Variants in RGS13 observed in about 807,000 individuals in gnomAD.
RGS13 encodes regulator of G-protein signalling 13.
In RGS13, 14 loss-of-function variants were observed where a neutral mutation model predicts 19.9. That is an observed-to-expected ratio of 0.70 (90% CI 0.46 to 1.10). The LOEUF (loss-of-function observed/expected upper bound fraction) is 1.10. Ranked by LOEUF, RGS13 falls within the 50% of genes least tolerant of loss-of-function variation. The pLI is 0.00. For synonymous variants in RGS13, 60 were observed against 56.8 expected (o/e 1.06, Z -0.25); for missense variants, 205 against 187.1 (o/e 1.10, Z -0.56).
chr1:192,654,494 T>G (rs1258438424), intron 5 of RGS13, among the ~76,000 whole-genome samples: 1 of 151,936 alleles, frequency 6.6e-6, no homozygotes, highest in Non-Finnish European at 1.5e-5. Flanking sequence ...ACAGAGAATT[T>G]TAATAAAACT....
chr1:192,650,663 T>A (rs1165804553), intron 5 of RGS13, among the ~76,000 whole-genome samples: 1 of 151,886 alleles, frequency 6.6e-6, no homozygotes, highest in African/African-American at 2.4e-5. Context: ...AAATTCAACA[T>A]CTCAGTGGGA....
chr1:192,645,117 G>T (rs1663192716), intron 4 of RGS13: 1 of 152,336 alleles, frequency 6.6e-6, no homozygotes, highest in African/African-American at 2.4e-5. Flanking sequence ...CTGCAATGGT[G>T]GTCAGAGGAG....
intron 5 of RGS13, 117 bp downstream of exon 5, chr1:192,648,104 A>G (rs1663253540): frequency 3.5e-6 from 2 of 571,002 alleles, no homozygotes; most frequent in Admixed American, 6.1e-5. Flanking sequence ...CTAACTGGCA[A>G]CTGACACAGT....
chr1:192,652,386 G>A (rs1663358432), intron 5 of RGS13, among the ~76,000 whole-genome samples: 1 of 152,038 alleles, frequency 6.6e-6, no homozygotes, highest in African/African-American at 2.4e-5. Context: ...GCTGCACAGT[G>A]TGATTGGCAG....
chr1:192,644,061 A>AT (rs1430962878), intron 3 of RGS13, among the ~76,000 whole-genome samples: 1 of 152,162 alleles, frequency 6.6e-6, no homozygotes, highest in Non-Finnish European at 1.5e-5. Flanking sequence ...GAGATTTGGT[A>AT]TTTTTTGAAC....
At chr1:192,656,494 A>G (rs570531439) in intron 5 of RGS13, among the ~76,000 whole-genome samples, 2 of 152,178 alleles carry the variant, frequency 1.3e-5, no homozygotes, top group South Asian at 4.1e-4. Context: ...CACAACTTAG[A>G]GTCACGTCGG....
At chr1:192,643,859 G>A (rs1663168519) in intron 3 of RGS13, among the ~76,000 whole-genome samples, 1 of 152,102 alleles carries the variant, frequency 6.6e-6, no homozygotes, top group African/African-American at 2.4e-5. Flanking sequence ...GGTTGAGGTG[G>A]GAGGGTCACC....
At chr1:192,658,792 T>C (rs1663494199) in intron 6 of RGS13, 1 of 169,046 alleles carries the variant, frequency 5.9e-6, no homozygotes. Context: ...GGACAGTATA[T>C]GAGATTTCTA....
rs572230461 is a variant in RGS13 at position 192,651,930 on chromosome 1, G to A, written c.127+3943G>A. 1.1e-3 allele frequency among the ~76,000 whole-genome samples: 160 copies of A among 152,134 alleles called. 1 individual carries two copies. Among genetic ancestry groups the A allele is most frequent in the African/African-American group, 3.8e-3 (158 of 41,542 alleles). The stretch of plus-strand genomic sequence containing the variant: ...GCTCATTGGTTGACTGGGCAGTGTT[G>A]AGTGTCTGTTTAAAATCTGAAGTTA... On this transcript the variant is annotated intron_variant, in intron 5 of 6. Transcript: ENST00000391995.
chr1:192,647,790 C>T (rs886185235), intron 4 of RGS13, 136 bp from the exon 5 acceptor site: 12 of 421,766 alleles, frequency 2.8e-5, no homozygotes, highest in Non-Finnish European at 4.7e-5. Flanking sequence ...AGGAAAATAA[C>T]TTTCCAACCA....
At chr1:192,651,978 G>T (rs988801287) in intron 5 of RGS13, among the ~76,000 whole-genome samples, 3 of 152,054 alleles carry the variant, frequency 2.0e-5, no homozygotes, top group Admixed American at 2.0e-4. Context: ...CGAGACCACA[G>T]TTGTATATTT....
Position 192,644,225 on chromosome 1 carries a change from T to A in RGS13, c.-4-106T>A, listed in dbSNP as rs192119137. The A allele has an allele frequency of 5.9e-5, 45 of 759,072 alleles. No individual in the cohort carries two copies. The East Asian group carries it at 1.2e-3, about 20-fold the overall frequency. The allele number at this position is 759,072 out of a possible 1,614,324, so 47.0% of individuals were successfully genotyped here. A position where few individuals can be genotyped will look rare whatever the true frequency, so the allele number is the denominator to read the frequency against. ...GTATTCCATTAACTTCAAGAGCCCA[T>A]CTTTTTTTTTATGATTTATAATATT... On this transcript the variant is annotated intron_variant, in intron 3 of 6. Transcript: ENST00000391995.
chr1:192,642,472 C>A (rs940588668), intron 3 of RGS13, among the ~76,000 whole-genome samples: 1 of 151,830 alleles, frequency 6.6e-6, no homozygotes, highest in Non-Finnish European at 1.5e-5. Flanking sequence ...CAAGTGCACA[C>A]CACTATGCCC....
In RGS13 at chr1:192,660,028, T is replaced by C. The variant is rs1014544778; in HGVS notation, c.*505T>C. The C allele has an allele frequency of 3.3e-5, 5 of 152,102 alleles. 1 individual carries two copies. Among genetic ancestry groups the C allele is most frequent in the Admixed American group, 3.3e-4 (5 of 15,274 alleles). The allele number at this position is 152,102 out of a possible 1,614,324, so 9.4% of individuals were successfully genotyped here. A position where few individuals can be genotyped will look rare whatever the true frequency, so the allele number is the denominator to read the frequency against. On this transcript the variant is annotated 3_prime_UTR_variant, in exon 7 of 7. Transcript: ENST00000391995. ...GTGTTCTTCAGAGACATTTTATCTA[T>C]AAAATTTTCCTACTATTATGTTCAT... is the stretch of plus-strand genomic sequence containing the variant.
chr1:192,654,297 C>T (rs1663397812), intron 5 of RGS13, among the ~76,000 whole-genome samples: 1 of 151,224 alleles, frequency 6.6e-6, no homozygotes, highest in African/African-American at 2.4e-5. Context: ...TATATTTACA[C>T]ATTTTATTTT....
chr1:192,649,691 A>G (rs961324331), intron 5 of RGS13, among the ~76,000 whole-genome samples: 3 of 152,096 alleles, frequency 2.0e-5, no homozygotes, highest in African/African-American at 7.2e-5. Flanking sequence ...AATGTGGGTC[A>G]CTTCATTTTC....
chr1:192,652,602 A>AT (rs553757326), intron 5 of RGS13, among the ~76,000 whole-genome samples: 5,729 of 150,426 alleles, frequency 0.038, 174 homozygotes, highest in Admixed American at 0.1. Flanking sequence ...CAATTAGTAC[A>AT]TTTTTTTTTT....
At chr1:192,644,260 T>C in intron 3 of RGS13, 71 bp from the exon 4 acceptor site, 1 of 1,129,180 alleles carries the variant, frequency 8.9e-7, no homozygotes, top group Non-Finnish European at 1.3e-6. Flanking sequence ...TGTATGTTCC[T>C]TAGAAACTGA....
intron 5 of RGS13, among the ~76,000 whole-genome samples, chr1:192,652,576 A>C (rs1663361906): frequency 6.6e-6 from 1 of 152,022 alleles, no homozygotes; most frequent in Admixed American, 6.6e-5. Context: ...CCTCGCCTAG[A>C]ATAGACATCA....
Sources: gnomAD v4.1 joint callset for allele counts (sites outside exome capture counted in the v4.1 genomes callset) on GRCh38, gnomAD v4.1.1 for gene constraint, MANE v1.5 for transcripts, NCBI Gene and HGNC (gene_info 2026-07-23, HGNC 2026-07-21) for gene names.